LRP1B: variants seen among roughly 807,000 people sequenced by gnomAD.
LRP1B encodes the protein LDL receptor related protein 1B.
In LRP1B, 217 loss-of-function variants were observed where a neutral mutation model predicts 556.6. That is an observed-to-expected ratio of 0.39 (90% CI 0.35 to 0.44). The LOEUF (loss-of-function observed/expected upper bound fraction) is 0.44. LRP1B is among the 20% of genes least tolerant of loss of function. LRP1B has a pLI of 1.00. For synonymous variants in LRP1B, 2,047 were observed against 1,865.8 expected (o/e 1.10, Z -2.50); for missense variants, 5,053 against 5,620.8 (o/e 0.90, Z 3.23).
intron 66 of LRP1B, among the ~76,000 whole-genome samples, chr2:140,415,011 A>T (rs4954832): frequency 6.6e-6 from 1 of 151,990 alleles, no homozygotes; most frequent in Non-Finnish European, 1.5e-5. Context: ...CCTTGGGGGA[A>T]GTCTATAAAC....
chr2:141,535,657 A>AAAT (rs1685047053), intron 2 of LRP1B, among the ~76,000 whole-genome samples: 1 of 152,138 alleles, frequency 6.6e-6, no homozygotes, highest in Non-Finnish European at 1.5e-5. Flanking sequence ...CTTTCCTGGC[A>AAAT]AATAAACCAC....
intron 4 of LRP1B, among the ~76,000 whole-genome samples, chr2:141,247,757 T>A (rs529986026): frequency 2.0e-4 from 30 of 152,240 alleles, no homozygotes; most frequent in African/African-American, 6.5e-4. Context: ...TAAATAAGAG[T>A]TCTGAGCCAC....
intron 1 of LRP1B, among the ~76,000 whole-genome samples, chr2:141,914,907 A>G (rs1699991604): frequency 6.6e-6 from 1 of 152,230 alleles, no homozygotes. Context: ...AATCAATATC[A>G]TAAAAATGGC....
intron 3 of LRP1B, among the ~76,000 whole-genome samples, chr2:141,467,407 A>G (rs144963872): frequency 7.9e-5 from 12 of 152,250 alleles, no homozygotes; most frequent in African/African-American, 2.6e-4. Context: ...AGGGCTTAGA[A>G]AATATTATGA....
intron 7 of LRP1B, among the ~76,000 whole-genome samples, chr2:141,122,416 A>AC (rs1454459564): frequency 1.0e-4 from 14 of 139,990 alleles, no homozygotes; most frequent in African/African-American, 3.5e-4. Context: ...AAAAAAAAAA[A>AC]AAAACATCAA....
At chr2:140,339,355 T>C (rs1681256388) in intron 77 of LRP1B, among the ~76,000 whole-genome samples, 1 of 151,704 alleles carries the variant, frequency 6.6e-6, no homozygotes. Context: ...GCCATGAAAA[T>C]ACTGCTGTCT....
chr2:141,014,105 C>T (rs1697833251), intron 13 of LRP1B, among the ~76,000 whole-genome samples: 1 of 152,046 alleles, frequency 6.6e-6, no homozygotes, highest in Non-Finnish European at 1.5e-5. Context: ...ATTTCAGTAT[C>T]ATATCCTGGG....
At chr2:141,173,077 C>A (rs1037565907) in intron 7 of LRP1B, among the ~76,000 whole-genome samples, 1 of 151,264 alleles carries the variant, frequency 6.6e-6, no homozygotes, top group African/African-American at 2.4e-5. Flanking sequence ...AACCCACACA[C>A]TTTATATCCA....
chr2:142,024,154 G>C (rs1022764166), intron 1 of LRP1B, among the ~76,000 whole-genome samples: 7 of 152,180 alleles, frequency 4.6e-5, no homozygotes, highest in Admixed American at 3.3e-4. Context: ...TGTATGAAGA[G>C]CTTGGGTCTC....
chr2:140,650,284 G>T (rs945075836), intron 41 of LRP1B, among the ~76,000 whole-genome samples: 1 of 150,850 alleles, frequency 6.6e-6, no homozygotes, highest in Admixed American at 6.6e-5. Context: ...CCGATAGAAA[G>T]TTAGTTAAAT....
chr2:140,860,867 A>C (rs1455062074), intron 27 of LRP1B, among the ~76,000 whole-genome samples: 1 of 152,158 alleles, frequency 6.6e-6, no homozygotes, highest in Non-Finnish European at 1.5e-5. Context: ...GAAGAAGCAT[A>C]CAAAAGAAGA....
intron 84 of LRP1B, 104 bp downstream of exon 84, chr2:140,297,704 A>T: frequency 7.6e-7 from 1 of 1,309,696 alleles, no homozygotes; most frequent in South Asian, 1.5e-5. Flanking sequence ...TGAACCTGAA[A>T]AATAGAGGAT....
chr2:141,077,508 T>A (rs753550566), intron 7 of LRP1B, among the ~76,000 whole-genome samples: 2 of 152,166 alleles, frequency 1.3e-5, no homozygotes, highest in Non-Finnish European at 2.9e-5. Context: ...CAAGGTGTGG[T>A]CCACAGTTAC....
intron 3 of LRP1B, among the ~76,000 whole-genome samples, chr2:141,323,677 C>T (rs889940595): frequency 5.9e-5 from 9 of 151,982 alleles, no homozygotes; most frequent in Non-Finnish European, 1.0e-4. Flanking sequence ...TCCTAATAAA[C>T]ATCAAGACTC....
rs537525769 is a variant in LRP1B at position 140,433,948 on chromosome 2, A to G, written c.10414+8556T>C. Reference sequence around the variant, plus strand: ...ACATAGAATTGAGAAAGGAAGTGCAATCATATGGATGATATGATCCATGGG... The same window carrying G: ...ACATAGAATTGAGAAAGGAAGTGCAGTCATATGGATGATATGATCCATGGG... On this transcript the variant is annotated intron_variant, in intron 66 of 90. Transcript: ENST00000389484. Among the ~76,000 whole-genome samples, 45 of 152,248 alleles carry G rather than the reference A, an allele frequency of 3.0e-4. No homozygotes were observed. The South Asian group carries it at 6.0e-3, about 20-fold the overall frequency.
At chr2:141,799,980 GATC>G in intron 2 of LRP1B, among the ~76,000 whole-genome samples, 1 of 151,970 alleles carries the variant, frequency 6.6e-6, no homozygotes, top group East Asian at 1.9e-4. Flanking sequence ...ATACTCTTAT[GATC>G]ATATCCTTTC....
chr2:141,406,554 CT>C (rs768094801), intron 3 of LRP1B, among the ~76,000 whole-genome samples: 1 of 96,464 alleles, frequency 1.0e-5, no homozygotes, highest in Non-Finnish European at 2.3e-5. Context: ...TATCATCTAT[CT>C]ATCTATCTAT....
In LRP1B at chr2:141,627,295, G is replaced by A. The variant is rs946171845; in HGVS notation, c.206-146762C>T. On this transcript the variant is annotated intron_variant, in intron 2 of 90. Transcript: ENST00000389484. ...TGGTTTCCAGGAGTTAAGGGGAAGG[G>A]AGGAATAAGTAGGCAGAGCACAGAG... Among the ~76,000 whole-genome samples, 19 of 152,338 alleles carry A rather than the reference G, an allele frequency of 1.2e-4. 1 individual carries two copies. Among genetic ancestry groups the A allele is most frequent in the Middle Eastern group, 3.4e-3 (1 of 294 alleles).
chr2:142,127,341 C>A (rs183210895), intron 1 of LRP1B, among the ~76,000 whole-genome samples: 61 of 151,470 alleles, frequency 4.0e-4, no homozygotes, highest in African/African-American at 1.4e-3. Context: ...TCAAGAAATA[C>A]TGATTCAGAT....
Sources: gnomAD v4.1 joint callset for allele counts (sites outside exome capture counted in the v4.1 genomes callset) on GRCh38, gnomAD v4.1.1 for gene constraint, MANE v1.5 for transcripts, NCBI Gene and HGNC (gene_info 2026-07-23, HGNC 2026-07-21) for gene names.